EPB41L4A: variants seen among roughly 807,000 people sequenced by gnomAD.
EPB41L4A encodes band 4.1-like protein 4A.
Under a neutral mutation model 108.6 loss-of-function variants are expected in EPB41L4A, and 100 were observed. The ratio of observed to expected loss-of-function variants is 0.92; its 90% confidence interval spans 0.78 to 1.09. The LOEUF is 1.09. Ranked by LOEUF, EPB41L4A falls within the 50% of genes least tolerant of loss-of-function variation. The pLI is 0.00. For missense variants in EPB41L4A, 1,030 were observed against 842.7 expected, an observed-to-expected ratio of 1.22 and a Z score of -2.75; for synonymous variants, 319 against 289.0, an observed-to-expected ratio of 1.10 and a Z score of -1.05.
At chr5:112,254,140 TC>T (rs1750897441) in intron 9 of EPB41L4A, among the ~76,000 whole-genome samples, 2 of 152,202 alleles carry the variant, frequency 1.3e-5, no homozygotes, top group African/African-American at 4.8e-5. Context: ...CAGCATTTAT[TC>T]ATTCTTTCAT....
At chr5:112,418,258 T>A (rs1438762818) in intron 1 of EPB41L4A, among the ~76,000 whole-genome samples, 1 of 152,238 alleles carries the variant, frequency 6.6e-6, no homozygotes, top group Non-Finnish European at 1.5e-5. Context: ...TCTCATCCAA[T>A]GTAAGGAAGA....
At chr5:112,325,541 T>C (rs1167699504) in intron 1 of EPB41L4A, among the ~76,000 whole-genome samples, 1 of 152,146 alleles carries the variant, frequency 6.6e-6, no homozygotes, top group Non-Finnish European at 1.5e-5. Context: ...GAGTTTTAAA[T>C]GGGTGGTAAG....
At chr5:112,395,654 G>A (rs925012224) in intron 1 of EPB41L4A, among the ~76,000 whole-genome samples, 2 of 152,224 alleles carry the variant, frequency 1.3e-5, no homozygotes, top group African/African-American at 4.8e-5. Context: ...GGTGGGGAAT[G>A]TAAACTAGTT....
chr5:112,182,851 T>C (rs970732108), intron 18 of EPB41L4A, among the ~76,000 whole-genome samples: 1 of 151,912 alleles, frequency 6.6e-6, no homozygotes, highest in African/African-American at 2.4e-5. Flanking sequence ...CTTCATTAAC[T>C]TCAGCTTTAA....
chr5:112,373,516 CT>C (rs2112558018), intron 1 of EPB41L4A, among the ~76,000 whole-genome samples: 1 of 152,294 alleles, frequency 6.6e-6, no homozygotes, highest in Non-Finnish European at 1.5e-5. Flanking sequence ...GCAAAAATAG[CT>C]AATTTATCAA....
chr5:112,171,473 T>C (rs1760578214), intron 18 of EPB41L4A, among the ~76,000 whole-genome samples: 1 of 152,214 alleles, frequency 6.6e-6, no homozygotes, highest in Admixed American at 6.5e-5. Flanking sequence ...TGACCCATCT[T>C]TCATGTTACA....
At chr5:112,319,820 C>T (rs557358709) in intron 1 of EPB41L4A, among the ~76,000 whole-genome samples, 4 of 152,276 alleles carry the variant, frequency 2.6e-5, no homozygotes, top group Non-Finnish European at 4.4e-5. Flanking sequence ...GATGAGTGTG[C>T]TTTGCCTCCT....
At chr5:112,241,369 T>C (rs1401499035) in intron 9 of EPB41L4A, among the ~76,000 whole-genome samples, 1 of 152,180 alleles carries the variant, frequency 6.6e-6, no homozygotes, top group Non-Finnish European at 1.5e-5. Flanking sequence ...AATTCAACAA[T>C]ATGCATACAT....
chr5:112,152,317 T>G (rs1440258147), intron 12 of EPB41L4A, among the ~76,000 whole-genome samples: 1 of 152,136 alleles, frequency 6.6e-6, no homozygotes, highest in Non-Finnish European at 1.5e-5. Flanking sequence ...AAGTAAAAGA[T>G]TATAAAACAG....
rs148812616 is a variant in EPB41L4A at position 112,146,102 on chromosome 5, G to A, written n.995-104C>T. On this transcript the variant is annotated intron_variant and non_coding_transcript_variant, in intron 12 of 13. Transcript: ENST00000507810. ...GGACTACTCACCCATTCATCTGATA[G>A]GGTCTTACAGAATCGAGACCACATT... 1,198 of 383,376 alleles carry A rather than the reference G, an allele frequency of 3.1e-3. 4 individuals carry two copies. The highest frequency in any genetic ancestry group is 0.014 in the Admixed American group (397 of 28,756). The allele number at this position is 383,376 out of a possible 1,614,324, so 23.7% of individuals were successfully genotyped here.
At chr5:112,419,859 T>C (rs998017160), upstream of EPB41L4A, 1 of 456,704 alleles carries the variant, frequency 2.2e-6, no homozygotes, top group Admixed American at 2.3e-5. Flanking sequence ...GTTCAAGCTC[T>C]CCCTCCGGGA....
chr5:112,300,258 T>C (rs1281577584), intron 2 of EPB41L4A, among the ~76,000 whole-genome samples: 2 of 152,206 alleles, frequency 1.3e-5, no homozygotes, highest in Non-Finnish European at 2.9e-5. Context: ...AGACTTATGC[T>C]TTAAGGAAGT....
intron 1 of EPB41L4A, among the ~76,000 whole-genome samples, chr5:112,409,134 G>GCT (rs560093259): frequency 0.012 from 1,764 of 152,218 alleles, 26 homozygotes; most frequent in South Asian, 0.038. Flanking sequence ...TCCATACAAT[G>GCT]GAATATTATT....
chr5:112,222,596 T>G (rs1686861508), intron 12 of EPB41L4A, among the ~76,000 whole-genome samples: 1 of 152,200 alleles, frequency 6.6e-6, no homozygotes, highest in African/African-American at 2.4e-5. Flanking sequence ...CCCTCTCTTC[T>G]CAAAGCTGTG....
At chr5:112,333,384 G>T (rs543543998) in intron 1 of EPB41L4A, among the ~76,000 whole-genome samples, 1 of 152,150 alleles carries the variant, frequency 6.6e-6, no homozygotes, top group South Asian at 2.1e-4. Flanking sequence ...GGAAATGCTC[G>T]GCTGGTCTCC....
rs375893004 is a variant in EPB41L4A, at chr5:112,391,770, A to G, written c.99+27171T>C. ...CTCAAGAAGAGCAACCCCAAGACAC[A>G]TAATTGTCAGATTCACCAAGGTTGA... On this transcript the variant is annotated intron_variant, in intron 1 of 22. Transcript: ENST00000261486. Among the ~76,000 whole-genome samples the G allele has an allele frequency of 2.6e-5, 4 of 152,178 alleles. No individual in the cohort carries two copies. The East Asian group carries it at 5.8e-4, about 22-fold the overall frequency.
At chr5:112,188,459 T>C (rs1339699656) in intron 17 of EPB41L4A, among the ~76,000 whole-genome samples, 1 of 152,194 alleles carries the variant, frequency 6.6e-6, no homozygotes, top group Non-Finnish European at 1.5e-5. Flanking sequence ...CCTGTTTTCA[T>C]GAATTTTTAA....
chr5:112,256,276 G>C (rs1472818089), intron 9 of EPB41L4A, among the ~76,000 whole-genome samples: 1 of 152,156 alleles, frequency 6.6e-6, no homozygotes, highest in Non-Finnish European at 1.5e-5. Context: ...TGATAAAACA[G>C]TAGTGATATT....
At chr5:112,148,915 G>C (rs965304159) in intron 12 of EPB41L4A, among the ~76,000 whole-genome samples, 1 of 152,066 alleles carries the variant, frequency 6.6e-6, no homozygotes. Flanking sequence ...CTGTTTCTGA[G>C]TTATATCTTC....
Sources: gnomAD v4.1 joint callset for allele counts (sites outside exome capture counted in the v4.1 genomes callset) on GRCh38, gnomAD v4.1.1 for gene constraint, MANE v1.5 for transcripts, NCBI Gene and HGNC (gene_info 2026-07-23, HGNC 2026-07-21) for gene names.